Variants in COX7B2 observed in about 807,000 individuals in gnomAD.
COX7B2 encodes the protein cytochrome c oxidase subunit 7B2, mitochondrial.
For missense variants in COX7B2, 109 were observed against 95.9 expected, an observed-to-expected ratio of 1.14 and a Z score of -0.57; for synonymous variants, 37 against 32.1, an observed-to-expected ratio of 1.15 and a Z score of -0.51.
At chr4:46,877,325 T>G (rs535665794) in intron 1 of COX7B2, among the ~76,000 whole-genome samples, 1 of 152,326 alleles carries the variant, frequency 6.6e-6, no homozygotes, top group East Asian at 1.9e-4. Flanking sequence ...AAGGCTTTCT[T>G]ATTTACTAAG....
intron 2 of COX7B2, among the ~76,000 whole-genome samples, chr4:46,843,259 T>C (rs531444583): frequency 6.6e-6 from 1 of 152,146 alleles, no homozygotes; most frequent in African/African-American, 2.4e-5. Flanking sequence ...AGAGAAATAA[T>C]AATACCACAT....
chr4:46,847,813 G>A (rs1218885603), intron 1 of COX7B2, among the ~76,000 whole-genome samples: 2 of 151,942 alleles, frequency 1.3e-5, no homozygotes, highest in African/African-American at 4.8e-5. Flanking sequence ...AAATGCAAGG[G>A]AAAATTGAAT....
intron 1 of COX7B2, among the ~76,000 whole-genome samples, chr4:46,891,451 A>T (rs912037880): frequency 1.3e-5 from 2 of 152,210 alleles, no homozygotes; most frequent in African/African-American, 4.8e-5. Context: ...GACAGGGAGC[A>T]GCAATGAGGC....
At chr4:46,832,904 CTTTT>C (rs370738031) in intron 2 of COX7B2, among the ~76,000 whole-genome samples, 1 of 147,188 alleles carries the variant, frequency 6.8e-6, no homozygotes, top group African/African-American at 2.5e-5. Context: ...AACTGTGAGC[CTTTT>C]TTTTTTTCTT....
chr4:46,883,907 T>A (rs531419684), intron 1 of COX7B2, among the ~76,000 whole-genome samples: 14 of 152,304 alleles, frequency 9.2e-5, no homozygotes, highest in African/African-American at 3.1e-4. Flanking sequence ...GGAAACATGA[T>A]GTTACAACTA....
At chr4:46,807,346 T>C (rs184819692) in intron 2 of COX7B2, among the ~76,000 whole-genome samples, 47 of 152,114 alleles carry the variant, frequency 3.1e-4, no homozygotes, top group African/African-American at 9.9e-4. Context: ...CTGACCATGA[T>C]TTAATTGGGT....
chr4:46,739,835 A>G (rs1350301049), intron 2 of COX7B2, among the ~76,000 whole-genome samples: 1 of 152,036 alleles, frequency 6.6e-6, no homozygotes, highest in Non-Finnish European at 1.5e-5. Context: ...GCCTGGAGAC[A>G]TGAGAAAAGA....
intron 2 of COX7B2, among the ~76,000 whole-genome samples, chr4:46,781,624 C>T (rs1232923330): frequency 2.0e-5 from 3 of 152,236 alleles, no homozygotes; most frequent in Admixed American, 2.0e-4. Flanking sequence ...GGGAGCCCCT[C>T]TCTGGGCTGG....
At chr4:46,753,419 A>G (rs1183847863) in intron 2 of COX7B2, among the ~76,000 whole-genome samples, 1 of 152,056 alleles carries the variant, frequency 6.6e-6, no homozygotes, top group African/African-American at 2.4e-5. Context: ...CACATCTACA[A>G]CCATCTGATC....
chr4:46,903,075 A>G (rs184670298), intron 1 of COX7B2, among the ~76,000 whole-genome samples: 79 of 152,326 alleles, frequency 5.2e-4, no homozygotes, highest in African/African-American at 1.8e-3. Context: ...GAGATAGGCC[A>G]AATTTGAAAA....
At chr4:46,837,411 A>G (rs1348732906) in intron 2 of COX7B2, among the ~76,000 whole-genome samples, 1 of 152,028 alleles carries the variant, frequency 6.6e-6, no homozygotes, top group Non-Finnish European at 1.5e-5. Context: ...AATAAGCCAG[A>G]TGCAAATGGA....
At chr4:46,851,750 C>A (rs767652068) in intron 1 of COX7B2, among the ~76,000 whole-genome samples, 3 of 151,996 alleles carry the variant, frequency 2.0e-5, no homozygotes, top group Admixed American at 6.6e-5. Flanking sequence ...AATGTCCTTC[C>A]ATTTATGTTT....
intron 2 of COX7B2, among the ~76,000 whole-genome samples, chr4:46,842,550 A>C (rs1188913310): frequency 5.5e-5 from 8 of 144,524 alleles, no homozygotes; most frequent in African/African-American, 1.3e-4. Flanking sequence ...ATCCCTCCCC[A>C]CTCCCCCCAC....
At chr4:46,864,644 T>TTTTGTTTGTTTGTTTGTTTG (rs57824496) in intron 1 of COX7B2, among the ~76,000 whole-genome samples, 2 of 149,130 alleles carry the variant, frequency 1.3e-5, no homozygotes, top group Non-Finnish European at 3.0e-5. Context: ...CAGAGTTGTT[T>TTTTGTTTGTTTGTTTGTTTG]TTTGTTTGTT....
At chr4:46,765,582 C>G (rs934929627) in intron 2 of COX7B2, among the ~76,000 whole-genome samples, 1 of 151,960 alleles carries the variant, frequency 6.6e-6, no homozygotes, top group African/African-American at 2.4e-5. Flanking sequence ...CCTGGCCCAA[C>G]AGCAGACAAT....
chr4:46,850,537 A>G (rs1716608026), intron 1 of COX7B2, among the ~76,000 whole-genome samples: 1 of 152,156 alleles, frequency 6.6e-6, no homozygotes, highest in Non-Finnish European at 1.5e-5. Flanking sequence ...CTCAGTATTA[A>G]TATCTATTTT....
chr4:46,807,093 T>C (rs1223735116), intron 2 of COX7B2, among the ~76,000 whole-genome samples: 1 of 150,920 alleles, frequency 6.6e-6, no homozygotes, highest in Non-Finnish European at 1.5e-5. Context: ...AGAAACCTCA[T>C]ACTTTTTTTT....
At chr4:46,771,794 C>A (rs1037543932) in intron 2 of COX7B2, among the ~76,000 whole-genome samples, 17 of 152,094 alleles carry the variant, frequency 1.1e-4, no homozygotes, top group African/African-American at 4.1e-4. Context: ...ATTTGACAAA[C>A]CTCTGATCCC....
chr4:46,837,776 G>C (rs1341223600), intron 2 of COX7B2, among the ~76,000 whole-genome samples: 1 of 151,998 alleles, frequency 6.6e-6, no homozygotes, highest in Admixed American at 6.6e-5. Flanking sequence ...GTAACATTCT[G>C]CTTTGTGTGT....
Sources: gnomAD v4.1 joint callset for allele counts (sites outside exome capture counted in the v4.1 genomes callset) on GRCh38, gnomAD v4.1.1 for gene constraint, MANE v1.5 for transcripts, NCBI Gene and HGNC (gene_info 2026-07-23, HGNC 2026-07-21) for gene names.